CSMD1: variants seen among roughly 807,000 people sequenced by gnomAD.
CSMD1 encodes the protein CUB and sushi domain-containing protein 1.
CSMD1 carries 213 observed loss-of-function variants against 417.5 expected under a neutral mutation model. The ratio of observed to expected loss-of-function variants is 0.51; its 90% confidence interval spans 0.46 to 0.57. CSMD1 has a LOEUF of 0.57. Ranked by LOEUF, CSMD1 falls within the 20% of genes least tolerant of loss-of-function variation. The pLI, the probability that CSMD1 is intolerant of heterozygous loss-of-function variation, is 0.00. For missense variants in CSMD1, 6,923 were observed against 4,529.7 expected (o/e 1.53, Z -15.17); for synonymous variants, 2,862 against 1,736.8 (o/e 1.65, Z -16.11).
chr8:3,510,780 T>A (rs1428230766), intron 10 of CSMD1, among the ~76,000 whole-genome samples: 1 of 151,890 alleles, frequency 6.6e-6, no homozygotes, highest in African/African-American at 2.4e-5. Context: ...CTTTTTTGCC[T>A]ATGTTTATTA....
chr8:4,245,252 A>T (rs1380130337), intron 3 of CSMD1, among the ~76,000 whole-genome samples: 5 of 152,214 alleles, frequency 3.3e-5, no homozygotes, highest in Non-Finnish European at 7.3e-5. Flanking sequence ...AAGCACCTGC[A>T]TTACGCAATG....
intron 54 of CSMD1, among the ~76,000 whole-genome samples, chr8:2,981,715 C>T (rs376167383): frequency 1.3e-5 from 2 of 152,114 alleles, no homozygotes; most frequent in East Asian, 3.9e-4. Flanking sequence ...TTCAAATGAA[C>T]ACACAGGCTG....
chr8:3,932,504 G>A (rs1437823476), intron 5 of CSMD1, among the ~76,000 whole-genome samples: 1 of 150,496 alleles, frequency 6.6e-6, no homozygotes, highest in East Asian at 2.0e-4. Flanking sequence ...TCTAGGGAAA[G>A]CAGCAGATGT....
intron 7 of CSMD1, among the ~76,000 whole-genome samples, chr8:3,707,346 T>G (rs1306532830): frequency 2.6e-5 from 4 of 152,050 alleles, no homozygotes; most frequent in African/African-American, 9.7e-5. Flanking sequence ...TCCCAGCCCT[T>G]CCACTAATTG....
At chr8:3,803,863 T>G (rs1205790555) in intron 5 of CSMD1, among the ~76,000 whole-genome samples, 1 of 152,184 alleles carries the variant, frequency 6.6e-6, no homozygotes, top group Non-Finnish European at 1.5e-5. Flanking sequence ...GTGAAGCTAC[T>G]GAGGAGAGGA....
chr8:4,033,627 T>G (rs764821834), intron 3 of CSMD1, among the ~76,000 whole-genome samples: 26 of 152,192 alleles, frequency 1.7e-4, no homozygotes, highest in Non-Finnish European at 3.2e-4. Flanking sequence ...GCACTTGTTC[T>G]CAGGACCTCC....
chr8:3,018,344 C>G, intron 52 of CSMD1, 133 bp downstream of exon 52: 1 of 747,526 alleles, frequency 1.3e-6, no homozygotes, highest in Non-Finnish European at 2.1e-6. Flanking sequence ...AAAAATCACA[C>G]TGGGAGGTGC....
chr8:4,334,462 C>G (rs1399099217), intron 3 of CSMD1, among the ~76,000 whole-genome samples: 1 of 152,116 alleles, frequency 6.6e-6, no homozygotes. Context: ...ACATCAAACT[C>G]CTGAGTGTTC....
At chr8:3,239,111 A>C (rs1367579827) in intron 26 of CSMD1, among the ~76,000 whole-genome samples, 3 of 152,190 alleles carry the variant, frequency 2.0e-5, no homozygotes, top group Admixed American at 6.5e-5. Flanking sequence ...GAGAAGGGAA[A>C]GTGGTAAAAG....
chr8:3,753,423 G>C (rs1471456673), intron 6 of CSMD1, among the ~76,000 whole-genome samples: 1 of 152,176 alleles, frequency 6.6e-6, no homozygotes, highest in East Asian at 1.9e-4. Flanking sequence ...AATGACTACA[G>C]ACTCCCCATT....
intron 2 of CSMD1, among the ~76,000 whole-genome samples, chr8:4,553,651 T>C (rs1443332840): frequency 1.3e-5 from 2 of 152,166 alleles, no homozygotes; most frequent in Non-Finnish European, 1.5e-5. Flanking sequence ...AAAGCATCAG[T>C]GAGATCATAA....
At chr8:4,432,725 G>A (rs1027814779) in intron 2 of CSMD1, among the ~76,000 whole-genome samples, 1 of 152,122 alleles carries the variant, frequency 6.6e-6, no homozygotes, top group Admixed American at 6.5e-5. Flanking sequence ...ACTCCTGAAA[G>A]TTCACAGGAG....
intron 27 of CSMD1, among the ~76,000 whole-genome samples, chr8:3,224,815 G>A (rs750743409): frequency 2.0e-5 from 3 of 152,120 alleles, no homozygotes; most frequent in Admixed American, 2.0e-4. Context: ...TGTGAGATAA[G>A]GTTTCTCCTA....
intron 22 of CSMD1, among the ~76,000 whole-genome samples, chr8:3,347,219 CT>C (rs1808071080): frequency 6.6e-6 from 1 of 152,218 alleles, no homozygotes; most frequent in Admixed American, 6.5e-5. Context: ...GCTCTTGTTT[CT>C]TGAAGCTTTT....
chr8:3,394,283 T>A (rs1447359), intron 17 of CSMD1, among the ~76,000 whole-genome samples: 1 of 147,136 alleles, frequency 6.8e-6, no homozygotes, highest in Non-Finnish European at 1.5e-5. Context: ...TATTTTATAA[T>A]AATAAAATAT....
intron 7 of CSMD1, among the ~76,000 whole-genome samples, chr8:3,701,597 C>G (rs1025726343): frequency 1.3e-5 from 2 of 151,734 alleles, no homozygotes; most frequent in African/African-American, 2.4e-5. Flanking sequence ...TTATTCCAAA[C>G]TTAAGACAAC....
Position 4,148,857 on chromosome 8 carries a change from T to C in CSMD1, c.416-116758A>G, listed in dbSNP as rs575566978. ...CCTTTGGCTTGTGTCCTGGGAAAGA[T>C]GGCACATGGTCGAGAGACACAGCCT... On this transcript the variant is annotated intron_variant, in intron 3 of 69. Transcript: ENST00000635120. 1.4e-4 allele frequency among the ~76,000 whole-genome samples: 21 copies of C among 152,308 alleles called. No individual in the cohort carries two copies. The South Asian group carries it at 3.1e-3, about 23-fold the overall frequency.
intron 42 of CSMD1, among the ~76,000 whole-genome samples, chr8:3,113,615 C>G (rs927634991): frequency 6.6e-5 from 10 of 152,218 alleles, no homozygotes; most frequent in Non-Finnish European, 1.2e-4. Flanking sequence ...CAACGCCACT[C>G]TCTATCATTG....
At chr8:3,203,776 A>G (rs1258775441) in intron 31 of CSMD1, among the ~76,000 whole-genome samples, 1 of 152,200 alleles carries the variant, frequency 6.6e-6, no homozygotes, top group Non-Finnish European at 1.5e-5. Context: ...ATTCTTGGCT[A>G]TGCTTTTGGA....
Sources: allele counts gnomAD v4.1 joint callset (sites outside exome capture counted in the v4.1 genomes callset), GRCh38; gene constraint gnomAD v4.1.1; transcripts MANE v1.5; gene names NCBI Gene and HGNC (gene_info 2026-07-23, HGNC 2026-07-21).